The following PON1 variants were observed in gnomAD, a reference collection of about 807,000 sequenced individuals.
The protein encoded by PON1 is serum paraoxonase/arylesterase 1.
In PON1, 37 loss-of-function variants were observed where a neutral mutation model predicts 39.2. The observed-to-expected ratio is 0.94, with a 90% CI of 0.73 to 1.24. PON1 has a LOEUF of 1.24. Among genes scored for constraint, PON1 ranks in the 50% most tolerant of loss-of-function variants. PON1 has a pLI of 0.00. For missense variants in PON1, 397 were observed against 413.5 expected (o/e 0.96, Z 0.35); for synonymous variants, 148 against 152.2 (o/e 0.97, Z 0.21).
intron 7 of PON1, among the ~76,000 whole-genome samples, chr7:95,304,636 A>ACTT (rs1158415779): frequency 6.6e-6 from 1 of 152,128 alleles, no homozygotes; most frequent in African/African-American, 2.4e-5. Context: ...CCGGCCAAGA[A>ACTT]CTTCATTCCT....
At position 95,299,010 on chromosome 7, in the gene PON1, G is replaced by A. The variant is rs1807355128; in HGVS notation, c.1002C>T (p.Ala334=). 3 of 1,613,988 alleles carry A rather than the reference G, an allele frequency of 1.9e-6. No individual in the cohort carries two copies. Among genetic ancestry groups the A allele is most frequent in the Admixed American group, 1.7e-5 (1 of 59,992 alleles). Residue 334 remains alanine (A), a synonymous_variant, in exon 9 of 9, where the codon GCC becomes GCT. Transcript: ENST00000222381. ...NGTVLQGSTV[A]SVYKGKLLIG... Reference sequence around the variant, plus strand: ...TCAGCAGTTTCCCTTTGTACACAGAGGCAACTGTACTGCCTTGCAACACTG... The same window carrying A: ...TCAGCAGTTTCCCTTTGTACACAGAAGCAACTGTACTGCCTTGCAACACTG...
rs1807320839 is a variant in PON1, at chr7:95,298,154, T to C, written c.*790A>G. On this transcript the variant is annotated 3_prime_UTR_variant, in exon 9 of 9. Coordinates refer to ENST00000222381, the MANE Select transcript of PON1 (RefSeq NM_000446.7). ...TTGGGGACACTTTTAGCTTCGCCCA[T>C]GTCAATTATGGGATTCATTCTGTAT... The C allele has an allele frequency of 6.6e-6, 1 of 152,260 alleles. No homozygotes were observed. Among genetic ancestry groups the C allele is most frequent in the Non-Finnish European group, 1.5e-5 (1 of 68,112 alleles). 9.4% of individuals were successfully genotyped at this position (152,260 alleles called of 1,614,324 possible). A position where few individuals can be genotyped will look rare whatever the true frequency, so the allele number is the denominator to read the frequency against.
chr7:95,314,178 G>A (rs1807715373), intron 4 of PON1, among the ~76,000 whole-genome samples: 1 of 152,054 alleles, frequency 6.6e-6, no homozygotes, highest in Non-Finnish European at 1.5e-5. Flanking sequence ...GGGCAACATG[G>A]TGAAACCCCC....
intron 8 of PON1, among the ~76,000 whole-genome samples, chr7:95,300,975 C>T (rs901138422): frequency 1.3e-5 from 2 of 151,828 alleles, no homozygotes; most frequent in Non-Finnish European, 2.9e-5. Context: ...TGGAAATACA[C>T]ATTTGTTTCT....
intron 8 of PON1, among the ~76,000 whole-genome samples, chr7:95,299,605 C>G (rs1807371443): frequency 6.6e-6 from 1 of 152,196 alleles, no homozygotes; most frequent in Non-Finnish European, 1.5e-5. Context: ...GAATATAAAG[C>G]AGGCAGAAAA....
intron 6 of PON1, among the ~76,000 whole-genome samples, chr7:95,306,809 C>G (rs1807550074): frequency 6.6e-6 from 1 of 152,038 alleles, no homozygotes; most frequent in South Asian, 2.1e-4. Context: ...AGCTGCTTGG[C>G]TTGGATCAAG....
At chr7:95,302,110 A>AAAAAAAAAAAAAAAAAAAC (rs1807443195) in intron 8 of PON1, 95 bp downstream of exon 8, 1 of 836,278 alleles carries the variant, frequency 1.2e-6, no homozygotes, top group African/African-American at 1.8e-5. Context: ...AAAAAAAAAA[A>AAAAAAAAAAAAAAAAAAAC]AAAAAAAAAA....
chr7:95,299,625 GGA>G (rs992105464), intron 8 of PON1, among the ~76,000 whole-genome samples: 1 of 152,004 alleles, frequency 6.6e-6, no homozygotes, highest in African/African-American at 2.4e-5. Flanking sequence ...AACATGAAGA[GGA>G]GAGACTGGCC....
At chr7:95,302,844 T>C (rs915006076) in intron 7 of PON1, among the ~76,000 whole-genome samples, 21 of 152,166 alleles carry the variant, frequency 1.4e-4, no homozygotes, top group Non-Finnish European at 2.4e-4. Flanking sequence ...TGCCTTGTAG[T>C]TGAGGAAAAG....
chr7:95,317,739 C>T (rs1807803206), intron 2 of PON1, among the ~76,000 whole-genome samples: 1 of 152,112 alleles, frequency 6.6e-6, no homozygotes, highest in Non-Finnish European at 1.5e-5. Context: ...TATTCTCCTA[C>T]CGTTTTATCT....
At chr7:95,304,595 G>A (rs1217661179) in intron 7 of PON1, among the ~76,000 whole-genome samples, 6 of 152,048 alleles carry the variant, frequency 3.9e-5, no homozygotes, top group Non-Finnish European at 8.8e-5. Context: ...GCCTCCCACA[G>A]TGCTGGGATT....
intron 1 of PON1, among the ~76,000 whole-genome samples, chr7:95,324,122 C>G (rs1317938647): frequency 6.6e-6 from 1 of 152,210 alleles, no homozygotes; most frequent in East Asian, 1.9e-4. Context: ...CCAGGGCACA[C>G]AAATCTTCAT....
chr7:95,315,382 C>T lies in PON1; in HGVS notation c.310G>A (p.Gly104Arg), dbSNP rs1205741356. The change falls in exon 4 of 9, where the codon GGA (glycine) becomes AGA (arginine). Residue 104 changes from glycine to arginine, a missense_variant. By Grantham distance (125) the Gly-to-Arg change is moderately radical. Transcript: ENST00000222381. ...AATGAAGATACATCAAATTTACTTC[C>T]AGTGATCCCCAATTCCAACACTGTT... ...DPTVLELGITGSKFDVSSFNP... is the reference protein window; with the variant it reads ...DPTVLELGITRSKFDVSSFNP... 2.5e-6 allele frequency: 4 copies of T among 1,613,554 alleles called. No homozygotes were observed. Among genetic ancestry groups the T allele is most frequent in the Non-Finnish European group, 2.5e-6 (3 of 1,179,526 alleles).
In PON1 at chr7:95,315,552, C is replaced by T. The variant is rs149554334; in HGVS notation, c.202-62G>A. 393 of 1,529,304 alleles carry T rather than the reference C, an allele frequency of 2.6e-4. 1 individual carries two copies. Among genetic ancestry groups the T allele is most frequent in the African/African-American group, 1.4e-3 (102 of 73,348 alleles). The allele number at this position is 1,529,304 out of a possible 1,614,324, so 94.7% of individuals were successfully genotyped here. A position where few individuals can be genotyped will look rare whatever the true frequency, so the allele number is the denominator to read the frequency against. ...CCAGTACTTCAAATGCTAATAGAGG[C>T]GCTGCATGGCCCATGGGTTCATGTT... On this transcript the variant is annotated intron_variant, in intron 3 of 8. Coordinates refer to ENST00000222381, the MANE Select transcript of PON1 (RefSeq NM_000446.7).
chr7:95,321,378 T>G (rs1266001034), intron 1 of PON1, among the ~76,000 whole-genome samples: 1 of 152,234 alleles, frequency 6.6e-6, no homozygotes, highest in Non-Finnish European at 1.5e-5. Context: ...GCCTAGGCAT[T>G]AAGAAATCCG....
intron 8 of PON1, among the ~76,000 whole-genome samples, chr7:95,300,934 G>C (rs1807407829): frequency 6.6e-6 from 1 of 151,352 alleles, no homozygotes; most frequent in Admixed American, 6.6e-5. Context: ...TGCAAACCTA[G>C]AGATAAAAGG....
rs183469156 is a variant in PON1 at position 95,316,345 on chromosome 7, A to G, written c.201+389T>C. On this transcript the variant is annotated intron_variant, in intron 3 of 8. Transcript: ENST00000222381. ...GGGCTTATTCTGAAATTTGTTTAAA[A>G]ATGTGAAAGTTGAAATGACCTGTGA... Among the ~76,000 whole-genome samples the G allele has an allele frequency of 4.4e-3, 664 of 152,328 alleles. 12 individuals are homozygous for G. The South Asian group carries it at 0.052, about 12-fold the overall frequency.
At chr7:95,307,167 TCTC>T (rs1170652256) in intron 6 of PON1, among the ~76,000 whole-genome samples, 1 of 151,832 alleles carries the variant, frequency 6.6e-6, no homozygotes, top group African/African-American at 2.4e-5. Flanking sequence ...TTCAAGCAAT[TCTC>T]CTGCCTGGCC....
chr7:95,303,749 T>C (rs919131352), intron 7 of PON1, among the ~76,000 whole-genome samples: 1 of 152,198 alleles, frequency 6.6e-6, no homozygotes, highest in African/African-American at 2.4e-5. Flanking sequence ...TGCTAACTCA[T>C]GCAAGACCCC....
Sources: allele counts gnomAD v4.1 joint callset (sites outside exome capture counted in the v4.1 genomes callset), GRCh38; gene constraint gnomAD v4.1.1; transcripts MANE v1.5; gene names NCBI Gene and HGNC (gene_info 2026-07-23, HGNC 2026-07-21).